Variants in ADAMTS1 observed in about 807,000 individuals in gnomAD.
ADAMTS1 encodes ADAM metallopeptidase with thrombospondin type 1 motif 1.
ADAMTS1 carries 19 observed loss-of-function variants against 87.9 expected under a neutral mutation model. The observed-to-expected ratio is 0.22, with a 90% CI of 0.15 to 0.32. The LOEUF (loss-of-function observed/expected upper bound fraction) is 0.32, where lower values mean the gene tolerates loss of function less well. Ranked by LOEUF, ADAMTS1 falls within the 10% of genes least tolerant of loss-of-function variation. The pLI is 1.00. For synonymous variants in ADAMTS1, 542 were observed against 501.8 expected (o/e 1.08, Z -1.07); for missense variants, 1,240 against 1,259.1 (o/e 0.98, Z 0.23).
chr21:26,843,406 G>GA, intron 1 of ADAMTS1: 1 of 455,956 alleles, frequency 2.2e-6, no homozygotes, highest in Non-Finnish European at 4.5e-6. Flanking sequence ...AGGAGCAGGG[G>GA]AAAAGGGGAG....
chr21:26,839,513 T>A (rs894051421), intron 7 of ADAMTS1, 74 bp downstream of exon 7: 12 of 1,340,164 alleles, frequency 9.0e-6, no homozygotes, highest in African/African-American at 1.5e-5. Flanking sequence ...AAAGAAAGTA[T>A]AACAAAAATT....
At chr21:26,840,687 C>T (rs1985475767) in intron 4 of ADAMTS1, 125 bp from the exon 5 acceptor site, 2 of 1,120,332 alleles carry the variant, frequency 1.8e-6, no homozygotes, top group Non-Finnish European at 2.5e-6. Context: ...AACTGTAAAG[C>T]TGGGGGAGGG....
intron 1 of ADAMTS1, chr21:26,843,714 G>C: frequency 2.0e-6 from 1 of 500,166 alleles, no homozygotes; most frequent in South Asian, 1.5e-5. Flanking sequence ...CTGCAGAACA[G>C]AGATCCTAGC....
At chr21:26,838,714 A>T in intron 7 of ADAMTS1, 100 bp from the exon 8 acceptor site, 1 of 1,189,938 alleles carries the variant, frequency 8.4e-7, no homozygotes, top group South Asian at 1.5e-5. Flanking sequence ...TGACCATGCT[A>T]ATTAAACACA....
chr21:26,844,473 A>G lies in ADAMTS1; in HGVS notation c.482T>C (p.Leu161Pro), dbSNP rs1453155570. The G allele has an allele frequency of 3.2e-6, 5 of 1,586,814 alleles. No individual in the cohort carries two copies. In the African/African-American group the frequency reaches 6.7e-5, roughly 21 times the overall value. ...GGCGAGGCGCTCGCTGGCGGCGGGC[A>G]GCGGCTGGATGAAATACGCCTCCCC... is the stretch of plus-strand genomic sequence containing the variant. ...LLGEAYFIQP[L>P]PAASERLATA... The change falls in exon 1 of 9, where the codon CTG becomes CCG. Residue 161 changes from leucine (L) to proline (P), a missense_variant. Leu to Pro is a moderately conservative substitution (Grantham distance 98). Coordinates refer to ENST00000284984, the MANE Select transcript of ADAMTS1 (RefSeq NM_006988.5).
chr21:26,840,867 G>T, intron 4 of ADAMTS1, 131 bp downstream of exon 4: 1 of 1,141,806 alleles, frequency 8.8e-7, no homozygotes, highest in Non-Finnish European at 1.2e-6. Flanking sequence ...TCAACAGTTA[G>T]GATCTTGACA....
At chr21:26,839,794 G>T in intron 6 of ADAMTS1, 32 bp from the exon 7 acceptor site, 1 of 1,603,906 alleles carries the variant, frequency 6.2e-7, no homozygotes, top group Non-Finnish European at 8.5e-7. Flanking sequence ...AACATTATCA[G>T]TTTCCAATCT....
chr21:26,843,509 G>A (rs376769870), intron 1 of ADAMTS1: 1 of 373,890 alleles, frequency 2.7e-6, no homozygotes, highest in Non-Finnish European at 5.4e-6. Flanking sequence ...GCACTGCACA[G>A]AGAGAAGGCC....
At position 26,844,757 on chromosome 21, in the gene ADAMTS1, C is replaced by A; in HGVS notation, c.198G>T (p.Glu66Asp). Residue 66 changes from glutamate to aspartate, a missense_variant, in exon 1 of 9, where the codon GAG (glutamate) becomes GAT (aspartate). This residue lies in a region of ADAMTS1 where 521 missense variants were observed against 449.7 expected (regional missense o/e 1.16). Coordinates refer to ENST00000284984, the MANE Select transcript of ADAMTS1 (RefSeq NM_006988.5). ...GCGTGGTCCCGTGTCCCGGGGCGCG[C>A]TCCAGCTCCGGCACCACTAGCTCCT... ...EDEELVVPELERAPGHGTTRL... is the reference protein window; with the variant it reads ...EDEELVVPELDRAPGHGTTRL... 1 of 1,555,578 alleles carries A rather than the reference C, an allele frequency of 6.4e-7. No individual in the cohort carries two copies. The highest frequency in any genetic ancestry group is 2.4e-5 in the East Asian group (1 of 42,466).
intron 2 of ADAMTS1, among the ~76,000 whole-genome samples, 154 bp from the exon 3 acceptor site, chr21:26,842,144 T>C (rs1985507255): frequency 6.6e-6 from 1 of 152,240 alleles, no homozygotes. Context: ...ATCAAGCTTT[T>C]TTCTAATGCT....
At position 26,840,444 on chromosome 21, in the gene ADAMTS1, G is replaced by A; in HGVS notation, c.1497C>T (p.Cys499=). Residue 499 remains cysteine, a synonymous_variant, in exon 5 of 9, where the codon TGC becomes TGT. Transcript: ENST00000284984. ...QFTFGEDSKH[C]PDAASTCSTL... ...TGCTACATGTGCTGGCTGCATCGGGGCAGTGTTTGGAGTCCTCCCCAAATG... is the reference window on the plus strand; with the variant it reads ...TGCTACATGTGCTGGCTGCATCGGGACAGTGTTTGGAGTCCTCCCCAAATG... 3 of 1,614,054 alleles carry A rather than the reference G, an allele frequency of 1.9e-6. No homozygotes were observed. Among genetic ancestry groups the A allele is most frequent in the South Asian group, 1.1e-5 (1 of 91,082 alleles).
In ADAMTS1 at chr21:26,837,686, A is replaced by C; in HGVS notation, c.2797T>G (p.Leu933Val). The C allele has an allele frequency of 6.2e-7, 1 of 1,614,200 alleles. No individual in the cohort carries two copies. Among genetic ancestry groups the C allele is most frequent in the Non-Finnish European group, 8.5e-7 (1 of 1,180,044 alleles). Residue 933 changes from leucine to valine, a missense_variant, in exon 9 of 9, where the codon TTG becomes GTG. Physicochemically the swap from Leu to Val is conservative, Grantham distance 32. This residue lies in a region of ADAMTS1 where 402 missense variants were observed against 399.1 expected (regional missense o/e 1.01). Transcript: ENST00000284984. Reference sequence around the variant, plus strand: ...CCTCCATCATGGGACAGACACTTCAAGCTTCTTTTTTTGTAACCCTTCCCA... The same window carrying C: ...CCTCCATCATGGGACAGACACTTCACGCTTCTTTTTTTGTAACCCTTCCCA... ...TCGKGYKKRSLKCLSHDGGVL... is the reference protein window; with the variant it reads ...TCGKGYKKRSVKCLSHDGGVL...
At chr21:26,843,719 C>A (rs422803) in intron 1 of ADAMTS1, 365,117 of 497,356 alleles carry the variant, frequency 0.73, 137,797 homozygotes, top group African/African-American at 0.89. Flanking sequence ...GAACAGAGAT[C>A]CTAGCGTAGC....
At position 26,844,464 on chromosome 21, in the gene ADAMTS1, G is replaced by A; in HGVS notation, c.491C>T (p.Ala164Val). ...GGCGGCGGTGGCGAGGCGCTCGCTG[G>A]CGGCGGGCAGCGGCTGGATGAAATA... ...EAYFIQPLPA[A>V]SERLATAAPG... Residue 164 changes from alanine to valine, a missense_variant, in exon 1 of 9, where the codon GCC (alanine) becomes GTC (valine). By Grantham distance (64) the Ala-to-Val change is moderately conservative (BLOSUM62 0). This residue lies in a region of ADAMTS1 where 521 missense variants were observed against 449.7 expected (regional missense o/e 1.16). Transcript: ENST00000284984. 1 of 1,584,534 alleles carries A rather than the reference G, an allele frequency of 6.3e-7. No homozygotes were observed. Among genetic ancestry groups the A allele is most frequent in the Non-Finnish European group, 8.6e-7 (1 of 1,165,272 alleles).
At position 26,844,084 on chromosome 21, in the gene ADAMTS1, C is replaced by A. The variant is rs977970362; in HGVS notation, c.730+141G>T. 7 of 1,080,998 alleles carry A rather than the reference C, an allele frequency of 6.5e-6. No individual in the cohort carries two copies. In the African/African-American group the frequency reaches 9.6e-5, roughly 15 times the overall value. The allele number at this position is 1,080,998 out of a possible 1,614,324, so 67.0% of individuals were successfully genotyped here. A position where few individuals can be genotyped will look rare whatever the true frequency, so the allele number is the denominator to read the frequency against. The stretch of plus-strand genomic sequence containing the variant: ...GTTCACCAATCCAAACCTCAAACCA[C>A]ATTCCTCCACTCCAGGCCTCCGTTC... On this transcript the variant is annotated intron_variant, in intron 1 of 8. Transcript: ENST00000284984.
At position 26,839,640 on chromosome 21, in the gene ADAMTS1, T is replaced by C; in HGVS notation, c.1975A>G (p.Lys659Glu). 1 of 1,612,922 alleles carries C rather than the reference T, an allele frequency of 6.2e-7. No homozygotes were observed. The highest frequency in any genetic ancestry group is 1.1e-5 in the South Asian group (1 of 91,076). Residue 659 changes from lysine (K) to glutamate (E), a missense_variant, in exon 7 of 9, where the codon AAG becomes GAG. This residue lies in a region of ADAMTS1 where 402 missense variants were observed against 399.1 expected (regional missense o/e 1.01). Coordinates refer to ENST00000284984, the MANE Select transcript of ADAMTS1 (RefSeq NM_006988.5). ...YAGVSPKDRC[K>E]LICQAKGIGY... Reference sequence around the variant, plus strand: ...ATGCCTTTGGCTTGGCAGATGAGCTTGCACCTGTCCTTTGGTGAGACGCCA... The same window carrying C: ...ATGCCTTTGGCTTGGCAGATGAGCTCGCACCTGTCCTTTGGTGAGACGCCA...
chr21:26,838,853 C>G, intron 7 of ADAMTS1: 1 of 407,366 alleles, frequency 2.5e-6, no homozygotes, highest in East Asian at 3.6e-5. Context: ...TATGTCTCCT[C>G]CAGCTAAGGT....
chr21:26,843,781 C>A (rs994994513), intron 1 of ADAMTS1: 2 of 485,148 alleles, frequency 4.1e-6, no homozygotes, highest in South Asian at 1.5e-5. Context: ...TCTCCACATC[C>A]GCCCTCCCGT....
rs1601924850 is a variant in ADAMTS1 at position 26,844,493 on chromosome 21, C to T, written c.462G>A (p.Glu154=). The part of the protein sequence containing the change: ...GVRGAFYLLG[E]AYFIQPLPAA... ...CGGGCAGCGGCTGGATGAAATACGC[C>T]TCCCCCAGCAGGTAGAAGGCGCCGC... The change falls in exon 1 of 9, where the codon GAG becomes GAA. Residue 154 remains glutamate, a synonymous_variant. Coordinates refer to ENST00000284984, the MANE Select transcript of ADAMTS1 (RefSeq NM_006988.5). 3.1e-6 allele frequency: 5 copies of T among 1,592,990 alleles called. No homozygotes were observed. The highest frequency in any genetic ancestry group is 1.3e-5 in the African/African-American group (1 of 74,438).
Sources: allele counts gnomAD v4.1 joint callset (sites outside exome capture counted in the v4.1 genomes callset), GRCh38; gene constraint gnomAD v4.1.1; regional missense constraint gnomAD v4.1.1; transcripts MANE v1.5; gene names NCBI Gene and HGNC (gene_info 2026-07-23, HGNC 2026-07-21).